The following TLL2 variants were observed in gnomAD, a reference collection of about 807,000 sequenced individuals.
TLL2 encodes the protein tolloid like 2.
In TLL2, 106 loss-of-function variants were observed where a neutral mutation model predicts 123.0. The ratio of observed to expected loss-of-function variants is 0.86; its 90% CI spans 0.74 to 1.01. TLL2 has a LOEUF of 1.01. TLL2 is among the 50% of genes least tolerant of loss of function. The pLI is 0.00. For missense variants in TLL2, 1,332 were observed against 1,336.7 expected (o/e 1.00, Z 0.06); for synonymous variants, 494 against 516.8 (o/e 0.96, Z 0.60).
chr10:96,387,780 G>A (rs1216887798), intron 13 of TLL2, among the ~76,000 whole-genome samples: 2 of 152,092 alleles, frequency 1.3e-5, no homozygotes, highest in Non-Finnish European at 2.9e-5. Flanking sequence ...GCATGCCATC[G>A]GTGCTGCTCA....
chr10:96,506,548 G>A (rs1847581918), intron 1 of TLL2, among the ~76,000 whole-genome samples: 1 of 151,066 alleles, frequency 6.6e-6, no homozygotes. Context: ...AGCCTCTTCT[G>A]CTGAGCAGGC....
Position 96,513,511 on chromosome 10 carries a change from C to A in TLL2, c.175G>T (p.Ala59Ser), listed in dbSNP as rs2134120263. The change falls in exon 1 of 21, where the codon GCT (alanine) becomes TCT (serine). Residue 59 changes from alanine (A) to serine (S), a missense_variant and splice_region_variant. Coordinates refer to ENST00000357947, the MANE Select transcript of TLL2 (RefSeq NM_012465.4). Reference sequence around the variant, plus strand: ...GGACTTCCCCAGCGGCGGCACCTACCGGCTTTGCAAGGGTCGTGGTAATGC... The same window carrying A: ...GGACTTCCCCAGCGGCGGCACCTACAGGCTTTGCAAGGGTCGTGGTAATGC... ...LEHYHDPCKA[A>S]VFWGDIALDE... is the part of the protein sequence containing the mutation. The A allele has an allele frequency of 1.2e-6, 2 of 1,612,416 alleles. No homozygotes were observed. Among genetic ancestry groups the A allele is most frequent in the South Asian group, 2.2e-5 (2 of 91,078 alleles).
chr10:96,369,974 G>C (rs968658331), intron 20 of TLL2, 91 bp downstream of exon 20: 10 of 1,469,916 alleles, frequency 6.8e-6, no homozygotes, highest in African/African-American at 1.4e-5. Flanking sequence ...TGGAGTAGGT[G>C]GCCGGGACTG....
chr10:96,384,553 G>A (rs774348937), intron 16 of TLL2, 34 bp downstream of exon 16: 4 of 1,517,928 alleles, frequency 2.6e-6, no homozygotes, highest in East Asian at 2.4e-5. Flanking sequence ...CGCCTCACTC[G>A]CGCTGCATCA....
chr10:96,378,939 C>A (rs1186276511), intron 17 of TLL2, 28 bp downstream of exon 17: 3 of 1,612,112 alleles, frequency 1.9e-6, no homozygotes, highest in South Asian at 2.2e-5. Context: ...GCAGCCCGCC[C>A]CCCCAACAAC....
At chr10:96,391,823 AGTT>A (rs1326289659) in intron 13 of TLL2, among the ~76,000 whole-genome samples, 2 of 152,232 alleles carry the variant, frequency 1.3e-5, no homozygotes, top group African/African-American at 4.8e-5. Flanking sequence ...TGTTCTCTGC[AGTT>A]GTTTTAACCA....
chr10:96,487,870 G>T (rs142450198), intron 1 of TLL2, among the ~76,000 whole-genome samples: 1 of 152,166 alleles, frequency 6.6e-6, no homozygotes, highest in Non-Finnish European at 1.5e-5. Flanking sequence ...ATGACAACAG[G>T]CTCCCATGTA....
At chr10:96,503,840 T>A (rs1289656716) in intron 1 of TLL2, among the ~76,000 whole-genome samples, 1 of 152,226 alleles carries the variant, frequency 6.6e-6, no homozygotes, top group Non-Finnish European at 1.5e-5. Flanking sequence ...GAGACGGTCA[T>A]GGGCTTTGGT....
At chr10:96,481,508 T>C (rs770659818) in intron 1 of TLL2, among the ~76,000 whole-genome samples, 4 of 152,190 alleles carry the variant, frequency 2.6e-5, no homozygotes, top group African/African-American at 4.8e-5. Context: ...TCAGAAATAG[T>C]ATGTTCTGTA....
intron 5 of TLL2, among the ~76,000 whole-genome samples, chr10:96,427,497 G>C (rs899618537): frequency 6.6e-6 from 1 of 152,166 alleles, no homozygotes. Context: ...TATGACTCTT[G>C]ATGCTATGCT....
intron 18 of TLL2, among the ~76,000 whole-genome samples, chr10:96,375,734 C>G (rs1846132159): frequency 6.6e-6 from 1 of 152,162 alleles, no homozygotes; most frequent in African/African-American, 2.4e-5. Flanking sequence ...ACTCATGGCT[C>G]TCACCAATAA....
intron 7 of TLL2, among the ~76,000 whole-genome samples, chr10:96,414,296 A>C (rs748124533): frequency 7.2e-5 from 11 of 151,920 alleles, no homozygotes; most frequent in Admixed American, 1.3e-4. Context: ...AGTTTCTATA[A>C]AGTATTGTCT....
At chr10:96,422,828 T>A in intron 5 of TLL2, 101 bp from the exon 6 acceptor site, 1 of 1,398,920 alleles carries the variant, frequency 7.1e-7, no homozygotes, top group African/African-American at 1.4e-5. Context: ...TGTGTGCATG[T>A]AAAAGAACAG....
At chr10:96,493,940 T>TG (rs745714045) in intron 1 of TLL2, among the ~76,000 whole-genome samples, 55 of 151,990 alleles carry the variant, frequency 3.6e-4, no homozygotes, top group Non-Finnish European at 5.6e-4. Context: ...TGACAATCCG[T>TG]AAGAAGGGGA....
rs1554939657 is a variant in TLL2, at chr10:96,476,248, T to TTG, written c.286+4100_286+4101insCA. On this transcript the variant is annotated intron_variant, in intron 2 of 20. Transcript: ENST00000357947. ...TATATATATATATATATATTTTATT[T>TTG]TTGTTGTTGTTGTTGTTGTTGAGAC... 1.9e-4 allele frequency among the ~76,000 whole-genome samples: 13 copies of TTG among 69,234 alleles called. 1 individual carries two copies. The highest frequency in any genetic ancestry group is 9.6e-4 in the South Asian group (2 of 2,076). 45.4% of individuals were successfully genotyped at this position (69,234 alleles called of 152,430 possible).
At chr10:96,506,720 C>T (rs999530274) in intron 1 of TLL2, among the ~76,000 whole-genome samples, 3 of 151,934 alleles carry the variant, frequency 2.0e-5, no homozygotes, top group African/African-American at 7.3e-5. Flanking sequence ...CCTCTCCTCT[C>T]GCTGTGTGGG....
chr10:96,500,117 A>G (rs1389842851), intron 1 of TLL2, among the ~76,000 whole-genome samples: 1 of 139,026 alleles, frequency 7.2e-6, no homozygotes, highest in Non-Finnish European at 1.5e-5. Flanking sequence ...AAAAAAAAAA[A>G]AAAGAAAAAG....
intron 14 of TLL2, 109 bp from the exon 15 acceptor site, chr10:96,386,324 T>C (rs1846234849): frequency 2.5e-6 from 3 of 1,203,542 alleles, no homozygotes; most frequent in Non-Finnish European, 2.3e-6. Context: ...TTTAAAATGT[T>C]AGACAATTTG....
At chr10:96,413,036 T>C (rs1846521710) in intron 8 of TLL2, among the ~76,000 whole-genome samples, 156 bp downstream of exon 8, 3 of 152,206 alleles carry the variant, frequency 2.0e-5, no homozygotes, top group Admixed American at 6.5e-5. Flanking sequence ...CCATTTCACC[T>C]TTCTATACTG....
Sources: gnomAD v4.1 joint callset for allele counts (sites outside exome capture counted in the v4.1 genomes callset) on GRCh38, gnomAD v4.1.1 for gene constraint, MANE v1.5 for transcripts, NCBI Gene and HGNC (gene_info 2026-07-23, HGNC 2026-07-21) for gene names.